RAD54L2: variants seen among roughly 807,000 people sequenced by gnomAD.
RAD54L2 encodes RAD54 like 2, also known as helicase ARIP4.
A neutral mutation model predicts 138.4 loss-of-function variants in RAD54L2; 27 were observed. That is an observed-to-expected ratio of 0.20 (90% CI 0.14 to 0.27). The LOEUF (loss-of-function observed/expected upper bound fraction) is 0.27. RAD54L2 is among the 10% of genes least tolerant of loss of function. The pLI, the probability that RAD54L2 is intolerant of heterozygous loss-of-function variation, is 1.00. For missense variants in RAD54L2, 1,396 were observed against 1,890.2 expected (o/e 0.74, Z 4.85); for synonymous variants, 644 against 723.2 (o/e 0.89, Z 1.76).
In RAD54L2 at chr3:51,565,439, A is replaced by G. The variant is rs564684723; in HGVS notation, c.-55+23789A>G. Among the ~76,000 whole-genome samples the G allele has an allele frequency of 1.3e-4, 20 of 152,236 alleles. 1 individual carries two copies. The South Asian group carries it at 4.1e-3, about 32-fold the overall frequency. On this transcript the variant is annotated intron_variant, in intron 2 of 22. Coordinates refer to ENST00000684192, the MANE Select transcript of RAD54L2 (RefSeq NM_015106.4). ...TATATGTGTGTGTGTGTGTTTATAT[A>G]CTTGTAGGTAGTGACTACATAGAAA... is the stretch of plus-strand genomic sequence containing the variant.
Position 51,663,009 on chromosome 3 carries a change from T to C in RAD54L2, c.3993T>C (p.Asn1331=). ...CCCCCTCCTACTACCAGCTGTCCAA[T>C]TTGCTGGCAGATGCCCGCCTGGTGT... The part of the protein sequence containing the change: ...GSTPSYYQLS[N]LLADARLVFP... Residue 1331 remains asparagine, a synonymous_variant, in exon 23 of 23, where the codon AAT becomes AAC. Transcript: ENST00000684192. 6.2e-7 allele frequency: 1 copy of C among 1,613,958 alleles called. No individual in the cohort carries two copies.
At chr3:51,551,051 AC>A (rs1472987381) in intron 2 of RAD54L2, among the ~76,000 whole-genome samples, 1 of 152,110 alleles carries the variant, frequency 6.6e-6, no homozygotes, top group African/African-American at 2.4e-5. Flanking sequence ...AAATTTGTGT[AC>A]GTGTGTAAGA....
rs1701817400 is a variant in RAD54L2 at position 51,662,838 on chromosome 3, G to A, written c.3822G>A (p.Lys1274=). 6.2e-6 allele frequency: 10 copies of A among 1,612,878 alleles called. No individual in the cohort carries two copies. The highest frequency in any genetic ancestry group is 8.5e-6 in the Non-Finnish European group (10 of 1,179,580). ...AQESSRRRSR[K]GHLPAPVQPY... ...AGTCATCCCGCCGGCGGTCCAGGAA[G>A]GGTCATCTGCCAGCCCCCGTGCAGC... Residue 1274 remains lysine (K), a synonymous_variant, in exon 23 of 23, where the codon AAG becomes AAA. Coordinates refer to ENST00000684192, the MANE Select transcript of RAD54L2 (RefSeq NM_015106.4). This position sits in a 1 kb window ranked among gnomAD's most constrained non-coding sequence, Gnocchi z 4.6.
intron 3 of RAD54L2, among the ~76,000 whole-genome samples, chr3:51,603,142 CAAAAAAAAAA>C (rs56410629): frequency 2.2e-5 from 2 of 91,526 alleles, no homozygotes; most frequent in African/African-American, 8.6e-5. Context: ...ATTACTACTA[CAAAAAAAAAA>C]AAAAAAAAAA....
chr3:51,567,213 T>G (rs1699237181), intron 2 of RAD54L2, among the ~76,000 whole-genome samples: 1 of 152,176 alleles, frequency 6.6e-6, no homozygotes, highest in Non-Finnish European at 1.5e-5. Context: ...TCCTTGGGGG[T>G]TTATATTAAC....
In RAD54L2 at chr3:51,637,011, G is replaced by T; in HGVS notation, c.1340-150G>T. On this transcript the variant is annotated intron_variant, in intron 10 of 22. Transcript: ENST00000684192. The surrounding 1 kb of genome is among the most constrained non-coding windows in gnomAD (Gnocchi z 5.9). The stretch of plus-strand genomic sequence containing the variant: ...CCAGTCATATCCAGGAGCTTGAATG[G>T]CTGGCACCCTCTCACCAAGGGGGGC... 2 of 666,222 alleles carry T rather than the reference G, an allele frequency of 3.0e-6. No individual in the cohort carries two copies. The highest frequency in any genetic ancestry group is 5.2e-6 in the Non-Finnish European group (2 of 382,038). The allele number at this position is 666,222 out of a possible 1,614,324, so 41.3% of individuals were successfully genotyped here. A position where few individuals can be genotyped will look rare whatever the true frequency, so the allele number is the denominator to read the frequency against.
intron 2 of RAD54L2, among the ~76,000 whole-genome samples, chr3:51,569,707 T>C (rs936938917): frequency 1.3e-5 from 2 of 152,080 alleles, no homozygotes; most frequent in African/African-American, 2.4e-5. Context: ...TTGAGTCAAA[T>C]AGTCTTACTG....
At chr3:51,633,876 T>C (rs1700910908) in intron 8 of RAD54L2, 26 bp from the exon 9 acceptor site, 1 of 1,608,488 alleles carries the variant, frequency 6.2e-7, no homozygotes, top group Non-Finnish European at 8.5e-7. Flanking sequence ...CATAAAACTC[T>C]CTTTTTGGAC....
intron 7 of RAD54L2, among the ~76,000 whole-genome samples, chr3:51,633,244 C>T (rs1034434957): frequency 2.0e-5 from 3 of 152,062 alleles, no homozygotes; most frequent in African/African-American, 7.2e-5. Flanking sequence ...AAACAAACTA[C>T]TCCTATGGAA....
rs71084151 is a variant in RAD54L2, at chr3:51,592,054, G to GTTTTTT, written c.139+1519_139+1524dup. Among the ~76,000 whole-genome samples, 65 of 66,874 alleles carry GTTTTTT rather than the reference G, an allele frequency of 9.7e-4. 6 individuals are homozygous for GTTTTTT. The East Asian group carries it at 0.01, about 11-fold the overall frequency. 43.9% of individuals were successfully genotyped at this position (66,874 alleles called of 152,430 possible). A position where few individuals can be genotyped will look rare whatever the true frequency, so the allele number is the denominator to read the frequency against. ...TGTAGCTGTGCAATTTGGTTTTGGTGTTTTTTTTTTTTTTTTTTTTTTTTT... is the reference window on the plus strand; with the variant it reads ...TGTAGCTGTGCAATTTGGTTTTGGTGTTTTTTTTTTTTTTTTTTTTTTTTTTTTTTT... On this transcript the variant is annotated intron_variant, in intron 3 of 22. Transcript: ENST00000684192.
At chr3:51,589,679 T>TACAC (rs1224035762) in intron 2 of RAD54L2, among the ~76,000 whole-genome samples, 1 of 110,710 alleles carries the variant, frequency 9.0e-6, no homozygotes. Context: ...TATATATATA[T>TACAC]ATATACACAC....
chr3:51,653,039 G>A (rs897817154), intron 19 of RAD54L2, among the ~76,000 whole-genome samples: 3 of 152,100 alleles, frequency 2.0e-5, no homozygotes, highest in African/African-American at 4.8e-5. Flanking sequence ...ATCTGACAAA[G>A]GGCTAATATC....
chr3:51,587,562 A>T (rs1471199081), intron 2 of RAD54L2, among the ~76,000 whole-genome samples: 1 of 152,178 alleles, frequency 6.6e-6, no homozygotes, highest in African/African-American at 2.4e-5. Flanking sequence ...GCAAAAATTT[A>T]AATTTTATTA....
chr3:51,639,196 T>G, intron 12 of RAD54L2: 1 of 564,354 alleles, frequency 1.8e-6, no homozygotes, highest in South Asian at 2.4e-5. Context: ...CTGGCATGGC[T>G]CCTGGTATGC....
intron 3 of RAD54L2, among the ~76,000 whole-genome samples, chr3:51,597,670 A>G (rs1699992995): frequency 6.6e-6 from 1 of 152,142 alleles, no homozygotes; most frequent in South Asian, 2.1e-4. Flanking sequence ...TCTACTAAAA[A>G]TACAAAACTT....
chr3:51,620,258 ATTTT>A (rs34861378), intron 3 of RAD54L2, among the ~76,000 whole-genome samples: 1 of 123,492 alleles, frequency 8.1e-6, no homozygotes, highest in South Asian at 2.5e-4. Flanking sequence ...TGCTCAGCTA[ATTTT>A]TTTTTTTTTT....
intron 22 of RAD54L2, among the ~76,000 whole-genome samples, chr3:51,661,315 C>T (rs767199414): frequency 6.6e-6 from 1 of 152,206 alleles, no homozygotes; most frequent in Non-Finnish European, 1.5e-5. Context: ...ATACTATTTA[C>T]TCCTTTTTTC....
intron 3 of RAD54L2, among the ~76,000 whole-genome samples, chr3:51,614,854 CT>C (rs1439325330): frequency 6.6e-6 from 1 of 151,712 alleles, no homozygotes; most frequent in Non-Finnish European, 1.5e-5. Context: ...TTAGAACCCC[CT>C]AACAGTCTTT....
In RAD54L2 at chr3:51,656,268, C is replaced by T. The variant is rs964291519; in HGVS notation, c.3226+98C>T. On this transcript the variant is annotated intron_variant, in intron 20 of 22. Transcript: ENST00000684192. ...ATTAAACACCTTTTGTATTTCTGGC[C>T]TTACTACATTTGGCACTCTTGGTAA... 1.7e-5 allele frequency: 20 copies of T among 1,172,796 alleles called. No homozygotes were observed. In the South Asian group the frequency reaches 3.3e-4, roughly 19 times the overall value. The allele number at this position is 1,172,796 out of a possible 1,614,324, so 72.6% of individuals were successfully genotyped here. A position where few individuals can be genotyped will look rare whatever the true frequency, so the allele number is the denominator to read the frequency against.
Sources: allele counts gnomAD v4.1 joint callset (sites outside exome capture counted in the v4.1 genomes callset), GRCh38; gene constraint gnomAD v4.1.1; non-coding constraint Gnocchi (gnomAD v3.1); transcripts MANE v1.5; gene names NCBI Gene and HGNC (gene_info 2026-07-23, HGNC 2026-07-21).